Variants in PTPRD observed in about 807,000 individuals in gnomAD.
PTPRD encodes the protein receptor-type tyrosine-protein phosphatase delta.
PTPRD carries 34 observed loss-of-function variants against 214.5 expected under a neutral mutation model. The ratio of observed to expected loss-of-function variants is 0.16; its 90% CI spans 0.12 to 0.21. The LOEUF (loss-of-function observed/expected upper bound fraction) is 0.21, where lower values mean the gene tolerates loss of function less well. Ranked by LOEUF, PTPRD falls within the 10% of genes least tolerant of loss-of-function variation. The pLI is 1.00. For missense variants in PTPRD, 2,545 were observed against 2,398.7 expected (o/e 1.06, Z -1.27); for synonymous variants, 1,128 against 845.7 (o/e 1.33, Z -5.79).
At chr9:8,961,472 G>C (rs979068065) in intron 11 of PTPRD, among the ~76,000 whole-genome samples, 5 of 152,078 alleles carry the variant, frequency 3.3e-5, no homozygotes, top group African/African-American at 1.2e-4. Context: ...CACTAGGTCA[G>C]AGTTAGCCTT....
At chr9:10,308,783 G>A (rs1247716680) in intron 3 of PTPRD, among the ~76,000 whole-genome samples, 2 of 151,734 alleles carry the variant, frequency 1.3e-5, no homozygotes, top group Non-Finnish European at 2.9e-5. Context: ...TCCTCAAGCA[G>A]TTCGTTTCTA....
At chr9:9,084,708 G>A (rs1009077945) in intron 10 of PTPRD, among the ~76,000 whole-genome samples, 2 of 152,008 alleles carry the variant, frequency 1.3e-5, no homozygotes, top group African/African-American at 4.8e-5. Flanking sequence ...TACTCCAAAT[G>A]ACACACACTA....
At chr9:9,998,510 C>A (rs2096225719) in intron 4 of PTPRD, among the ~76,000 whole-genome samples, 1 of 151,828 alleles carries the variant, frequency 6.6e-6, no homozygotes, top group Non-Finnish European at 1.5e-5. Context: ...TTTTTCTCAA[C>A]CTTAGTTGAC....
At chr9:8,974,329 G>C (rs2099256002) in intron 11 of PTPRD, among the ~76,000 whole-genome samples, 1 of 151,898 alleles carries the variant, frequency 6.6e-6, no homozygotes. Context: ...GCTTGTTTTT[G>C]TCAGAAATTG....
intron 36 of PTPRD, among the ~76,000 whole-genome samples, chr9:8,393,496 T>C (rs1038833998): frequency 5.3e-5 from 8 of 152,126 alleles, no homozygotes; most frequent in African/African-American, 1.9e-4. Flanking sequence ...ACAAAGATGT[T>C]TGCCTTCTGC....
chr9:8,547,926 G>T (rs754221031), intron 14 of PTPRD, among the ~76,000 whole-genome samples: 3 of 152,152 alleles, frequency 2.0e-5, no homozygotes, highest in Non-Finnish European at 2.9e-5. Flanking sequence ...CAGACTCTCT[G>T]TGTAAAACAT....
intron 10 of PTPRD, among the ~76,000 whole-genome samples, chr9:9,182,586 A>T (rs1593077414): frequency 6.6e-6 from 1 of 152,168 alleles, no homozygotes; most frequent in South Asian, 2.1e-4. Flanking sequence ...TTATCTTTGT[A>T]GGATTAGAAA....
chr9:10,121,108 A>G (rs1005221659), intron 3 of PTPRD, among the ~76,000 whole-genome samples: 13 of 152,162 alleles, frequency 8.5e-5, no homozygotes, highest in African/African-American at 3.1e-4. Flanking sequence ...TAATATTTCA[A>G]TATTCTTTAA....
chr9:8,406,993 A>G (rs993449159), intron 35 of PTPRD, among the ~76,000 whole-genome samples: 11 of 152,330 alleles, frequency 7.2e-5, no homozygotes, highest in African/African-American at 2.6e-4. Flanking sequence ...ATAAGATGGC[A>G]TGCATTTACT....
chr9:9,223,754 G>A (rs1032556370), intron 9 of PTPRD, among the ~76,000 whole-genome samples: 4 of 151,924 alleles, frequency 2.6e-5, no homozygotes, highest in African/African-American at 4.8e-5. Flanking sequence ...TCAAATGCAC[G>A]TGGTTTAATT....
chr9:10,436,417 AAT>A (rs1187284499), intron 2 of PTPRD, among the ~76,000 whole-genome samples: 1 of 151,812 alleles, frequency 6.6e-6, no homozygotes, highest in African/African-American at 2.4e-5. Flanking sequence ...TGTATAAGGC[AAT>A]GTGATAAGAC....
rs2138490600 is a variant in PTPRD, at chr9:8,518,002, G to A, written c.1389C>T (p.Val463=). ...VYYTMDPTQH[V]NNWMKHNVAD... Reference sequence around the variant, plus strand: ...CTACATTGTGTTTCATCCAGTTGTTGACATGTTGAGTGGGATCCATTGTAT... The same window carrying A: ...CTACATTGTGTTTCATCCAGTTGTTAACATGTTGAGTGGGATCCATTGTAT... The change falls in exon 21 of 46, where the codon GTC becomes GTT. Residue 463 remains valine (V), a synonymous_variant. Coordinates refer to ENST00000381196, the MANE Select transcript of PTPRD (RefSeq NM_002839.4). 4.3e-6 allele frequency: 7 copies of A among 1,614,180 alleles called. No individual in the cohort carries two copies. Among genetic ancestry groups the A allele is most frequent in the Non-Finnish European group, 5.9e-6 (7 of 1,180,016 alleles).
At chr9:8,344,929 G>C (rs771072029) in intron 39 of PTPRD, among the ~76,000 whole-genome samples, 1 of 49,652 alleles carries the variant, frequency 2.0e-5, no homozygotes, top group African/African-American at 3.6e-5. Context: ...TAATGGAAAA[G>C]GCAGTTACTT....
intron 2 of PTPRD, among the ~76,000 whole-genome samples, chr9:10,450,583 T>C (rs971644488): frequency 6.6e-6 from 1 of 152,024 alleles, no homozygotes; most frequent in African/African-American, 2.4e-5. Context: ...AGGAGTCCAG[T>C]TCCATTTTAA....
At chr9:9,753,428 C>A (rs1027126578) in intron 6 of PTPRD, among the ~76,000 whole-genome samples, 1 of 152,006 alleles carries the variant, frequency 6.6e-6, no homozygotes, top group Non-Finnish European at 1.5e-5. Flanking sequence ...GGGCTTTGTT[C>A]TTGGTTGCAA....
chr9:9,186,187 G>T (rs1220601525), intron 9 of PTPRD, among the ~76,000 whole-genome samples: 1 of 152,062 alleles, frequency 6.6e-6, no homozygotes, highest in East Asian at 1.9e-4. Flanking sequence ...CAAGAAGGCA[G>T]ACCCTAGTGC....
intron 10 of PTPRD, among the ~76,000 whole-genome samples, chr9:9,122,315 G>T (rs1408880692): frequency 6.6e-6 from 1 of 152,032 alleles, no homozygotes; most frequent in Non-Finnish European, 1.5e-5. Flanking sequence ...TTTAAAACAA[G>T]AATTTCTATT....
At chr9:8,908,937 G>A (rs2098727324) in intron 11 of PTPRD, among the ~76,000 whole-genome samples, 1 of 149,852 alleles carries the variant, frequency 6.7e-6, no homozygotes. Context: ...AATTTGACAT[G>A]AATATGAAAA....
intron 9 of PTPRD, among the ~76,000 whole-genome samples, chr9:9,191,668 C>G (rs1166650068): frequency 6.6e-6 from 1 of 152,046 alleles, no homozygotes; most frequent in African/African-American, 2.4e-5. Context: ...TGCTGTAACT[C>G]TTTATTTATT....
Sources: gnomAD v4.1 joint callset for allele counts (sites outside exome capture counted in the v4.1 genomes callset) on GRCh38, gnomAD v4.1.1 for gene constraint, MANE v1.5 for transcripts, NCBI Gene and HGNC (gene_info 2026-07-23, HGNC 2026-07-21) for gene names.